ZNF292: variants seen among roughly 807,000 people sequenced by gnomAD.
The protein encoded by ZNF292 is zinc finger protein 292, also known as 16 zinc-finger domain protein.
A neutral mutation model predicts 217.9 loss-of-function variants in ZNF292; 26 were observed. The observed-to-expected ratio is 0.12, with a 90% confidence interval of 0.09 to 0.17. ZNF292 has a LOEUF of 0.17. Among genes scored for constraint, ZNF292 ranks in the 10% least tolerant of loss-of-function variants. ZNF292 has a pLI of 1.00. For missense variants in ZNF292, 2,904 were observed against 3,175.2 expected, an observed-to-expected ratio of 0.91 and a Z score of 2.05; for synonymous variants, 1,257 against 1,124.1, an observed-to-expected ratio of 1.12 and a Z score of -2.37.
intron 1 of ZNF292, among the ~76,000 whole-genome samples, chr6:87,181,768 G>A (rs569595168): frequency 1.3e-4 from 19 of 151,808 alleles, no homozygotes; most frequent in African/African-American, 4.4e-4. Flanking sequence ...TGCAACCTCC[G>A]CCTCCTGGGT....
chr6:87,156,313 T>A (rs1257010347), intron 1 of ZNF292, among the ~76,000 whole-genome samples: 1 of 152,202 alleles, frequency 6.6e-6, no homozygotes, highest in African/African-American at 2.4e-5. Flanking sequence ...TTTGTTGATG[T>A]TCGGAGGAGC....
In ZNF292 at chr6:87,263,252, A is replaced by G. The variant is rs112412302; in HGVS notation, c.*1451A>G. Reference sequence around the variant, plus strand: ...ATCAGTAGTAGAAACATAAGAAAACATCTTTGCAATATTTACTTTTGTTTC... The same window carrying G: ...ATCAGTAGTAGAAACATAAGAAAACGTCTTTGCAATATTTACTTTTGTTTC... On this transcript the variant is annotated 3_prime_UTR_variant, in exon 8 of 8. Transcript: ENST00000369577. 6.6e-6 allele frequency: 1 copy of G among 152,044 alleles called. No individual in the cohort carries two copies. Among genetic ancestry groups the G allele is most frequent in the Non-Finnish European group, 1.5e-5 (1 of 67,928 alleles). The allele number at this position is 152,044 out of a possible 1,614,324, so 9.4% of individuals were successfully genotyped here.
intron 1 of ZNF292, among the ~76,000 whole-genome samples, chr6:87,206,104 A>G (rs7752414): frequency 0.38 from 56,995 of 151,962 alleles, 11,163 homozygotes; most frequent in Admixed American, 0.52. Context: ...GGGGACAGCA[A>G]GCTAATCTGG....
intron 1 of ZNF292, among the ~76,000 whole-genome samples, chr6:87,196,652 G>A (rs1771960065): frequency 1.3e-5 from 2 of 151,648 alleles, no homozygotes; most frequent in African/African-American, 4.9e-5. Context: ...TGGTAACTAA[G>A]TGTTGAACCA....
chr6:87,258,130 A>G lies in ZNF292; in HGVS notation c.4501A>G (p.Ser1501Gly). ...KQALETAGIPSTFEGAEMLSH... is the reference protein window; with the variant it reads ...KQALETAGIPGTFEGAEMLSH... ...GGCTTTGGAAACTGCTGGCATTCCC[A>G]GTACATTTGAGGGTGCCGAAATGCT... is the stretch of plus-strand genomic sequence containing the variant. The change falls in exon 8 of 8, where the codon AGT becomes GGT. Residue 1501 changes from serine (S) to glycine (G), a missense_variant. Transcript: ENST00000369577. 1 of 1,612,402 alleles carries G rather than the reference A, an allele frequency of 6.2e-7. No individual in the cohort carries two copies. The highest frequency in any genetic ancestry group is 8.5e-7 in the Non-Finnish European group (1 of 1,179,256).
At chr6:87,252,339 G>T (rs1562177683) in intron 7 of ZNF292, among the ~76,000 whole-genome samples, 1 of 151,976 alleles carries the variant, frequency 6.6e-6, no homozygotes, top group African/African-American at 2.4e-5. Context: ...TTTTGGTAGA[G>T]ACTGGGTTTC....
chr6:87,265,351 T>C lies in ZNF292; in HGVS notation c.*3550T>C, dbSNP rs1312048730. Among the ~76,000 whole-genome samples, 1 of 152,104 alleles carries C rather than the reference T, an allele frequency of 6.6e-6. No individual in the cohort carries two copies. The highest frequency in any genetic ancestry group is 6.5e-5 in the Admixed American group (1 of 15,268). ...CCCAGGTTCAAGTGATTCTCCTACCTCAGCCACCCAAGTAGGTGCACACCA... is the reference window on the plus strand; with the variant it reads ...CCCAGGTTCAAGTGATTCTCCTACCCCAGCCACCCAAGTAGGTGCACACCA... On this transcript the variant is annotated 3_prime_UTR_variant, in exon 8 of 8. Coordinates refer to ENST00000369577, the MANE Select transcript of ZNF292 (RefSeq NM_015021.3).
chr6:87,161,081 ATTTATAC>A (rs1770738986), intron 1 of ZNF292, among the ~76,000 whole-genome samples: 1 of 152,268 alleles, frequency 6.6e-6, no homozygotes, highest in Non-Finnish European at 1.5e-5. Flanking sequence ...TTTAAGTATA[ATTTATAC>A]TGACCATGAG....
chr6:87,184,848 C>G (rs552961813), intron 1 of ZNF292, among the ~76,000 whole-genome samples: 1 of 152,250 alleles, frequency 6.6e-6, no homozygotes, highest in Non-Finnish European at 1.5e-5. Context: ...AACAAAGGCC[C>G]CTGAGCCTGA....
chr6:87,196,080 TGTAAAAAGC>T, intron 1 of ZNF292, among the ~76,000 whole-genome samples: 1 of 152,240 alleles, frequency 6.6e-6, no homozygotes, highest in Non-Finnish European at 1.5e-5. Context: ...TGTTTCTATT[TGTAAAAAGC>T]TTATCAAGAA....
intron 3 of ZNF292, among the ~76,000 whole-genome samples, chr6:87,216,931 T>A (rs949902765): frequency 7.2e-5 from 11 of 152,094 alleles, no homozygotes; most frequent in African/African-American, 2.7e-4. Context: ...AGTGTTGTTA[T>A]TCTGCTTATA....
Position 87,259,261 on chromosome 6 carries a change from G to A in ZNF292, c.5632G>A (p.Ala1878Thr), listed in dbSNP as rs1164848090. Reference sequence around the variant, plus strand: ...GACTCCCACGCCTGTTAAATCAACTGCAGATATCACAGTTATTCAGCCAGT... The same window carrying A: ...GACTCCCACGCCTGTTAAATCAACTACAGATATCACAGTTATTCAGCCAGT... ...TLTPTPVKST[A>T]DITVIQPVSE... The change falls in exon 8 of 8, where the codon GCA (alanine) becomes ACA (threonine). Residue 1878 changes from alanine (A) to threonine (T), a missense_variant. Physicochemically the swap from Ala to Thr is moderately conservative, Grantham distance 58. This residue lies in a region of ZNF292 where 622 missense variants were observed against 573.1 expected (regional missense o/e 1.09). Coordinates refer to ENST00000369577, the MANE Select transcript of ZNF292 (RefSeq NM_015021.3). 6.2e-7 allele frequency: 1 copy of A among 1,613,522 alleles called. No homozygotes were observed. Among genetic ancestry groups the A allele is most frequent in the Non-Finnish European group, 8.5e-7 (1 of 1,179,680 alleles).
chr6:87,237,932 G>A (rs554307981), intron 5 of ZNF292, among the ~76,000 whole-genome samples: 1 of 152,164 alleles, frequency 6.6e-6, no homozygotes, highest in South Asian at 2.1e-4. Context: ...CACTTTTCAT[G>A]ATTTTAATTA....
chr6:87,178,811 T>C (rs1230624213), intron 1 of ZNF292, among the ~76,000 whole-genome samples: 3 of 152,170 alleles, frequency 2.0e-5, no homozygotes, highest in African/African-American at 4.8e-5. Context: ...GGTGTGATTG[T>C]TGAAGTTTGC....
At chr6:87,189,166 C>G (rs1373283169) in intron 1 of ZNF292, among the ~76,000 whole-genome samples, 1 of 151,990 alleles carries the variant, frequency 6.6e-6, no homozygotes, top group East Asian at 1.9e-4. Context: ...GATCGCACCA[C>G]TGCACTTCAG....
At position 87,259,303 on chromosome 6, in the gene ZNF292, A is replaced by C. The variant is rs1775426302; in HGVS notation, c.5674A>C (p.Ile1892Leu). ...VIQPVSEMIN[I>L]QFNDKVNKPF... Reference sequence around the variant, plus strand: ...TCAGCCAGTTTCTGAAATGATAAACATTCAATTTAATGACAAAGTTAATAA... The same window carrying C: ...TCAGCCAGTTTCTGAAATGATAAACCTTCAATTTAATGACAAAGTTAATAA... The change falls in exon 8 of 8, where the codon ATT becomes CTT. Residue 1892 changes from isoleucine (I) to leucine (L), a missense_variant. By Grantham distance (5) the Ile-to-Leu change is conservative (BLOSUM62 2). Transcript: ENST00000369577. 1 of 1,613,642 alleles carries C rather than the reference A, an allele frequency of 6.2e-7. No homozygotes were observed. The highest frequency in any genetic ancestry group is 1.7e-5 in the Admixed American group (1 of 59,954).
At position 87,258,949 on chromosome 6, in the gene ZNF292, A is replaced by C. The variant is rs1775399549; in HGVS notation, c.5320A>C (p.Lys1774Gln). ...TAMNSQILEV[K>Q]SGSQGAGETS... Reference sequence around the variant, plus strand: ...TATGAATTCTCAAATACTTGAGGTAAAAAGTGGATCTCAGGGTGCTGGTGA... The same window carrying C: ...TATGAATTCTCAAATACTTGAGGTACAAAGTGGATCTCAGGGTGCTGGTGA... The change falls in exon 8 of 8, where the codon AAA (lysine) becomes CAA (glutamine). Residue 1774 changes from lysine (K) to glutamine (Q), a missense_variant. This residue lies in a region of ZNF292 where 622 missense variants were observed against 573.1 expected (regional missense o/e 1.09). Transcript: ENST00000369577. 11 of 1,612,696 alleles carry C rather than the reference A, an allele frequency of 6.8e-6. No homozygotes were observed. The highest frequency in any genetic ancestry group is 9.3e-6 in the Non-Finnish European group (11 of 1,179,308).
rs10687268 is a variant in ZNF292, at chr6:87,187,714, C to CAAAAA, written c.169-28173_169-28169dup. Among the ~76,000 whole-genome samples, 24 of 96,566 alleles carry CAAAAA rather than the reference C, an allele frequency of 2.5e-4. 1 individual carries two copies. The highest frequency in any genetic ancestry group is 8.8e-4 in the East Asian group (3 of 3,400). The allele number at this position is 96,566 out of a possible 152,430, so 63.4% of individuals were successfully genotyped here. ...TGGGCAACAGAGTGGGACTCTGCCT[C>CAAAAA]AAAAAAAAAAAAAAAAAAAAGTTTG... On this transcript the variant is annotated intron_variant, in intron 1 of 7. Coordinates refer to ENST00000369577, the MANE Select transcript of ZNF292 (RefSeq NM_015021.3).
At chr6:87,239,146 C>G (rs374215312) in intron 5 of ZNF292, among the ~76,000 whole-genome samples, 6 of 130,152 alleles carry the variant, frequency 4.6e-5, no homozygotes, top group Non-Finnish European at 1.0e-4. Flanking sequence ...CTTTTCTATT[C>G]GACAAAACCG....
Sources: gnomAD v4.1 joint callset for allele counts (sites outside exome capture counted in the v4.1 genomes callset) on GRCh38, gnomAD v4.1.1 for gene constraint, gnomAD v4.1.1 regional missense constraint, MANE v1.5 for transcripts, NCBI Gene and HGNC (gene_info 2026-07-23, HGNC 2026-07-21) for gene names.